The following ST7 variants were observed in gnomAD, a reference collection of about 807,000 sequenced individuals.
ST7 encodes suppression of tumorigenicity 7, also known as suppressor of tumorigenicity 7 protein.
ST7 carries 28 observed loss-of-function variants against 78.7 expected under a neutral mutation model. The ratio of observed to expected loss-of-function variants is 0.36; its 90% CI spans 0.26 to 0.49. The LOEUF is 0.49. Among genes scored for constraint, ST7 ranks in the 20% least tolerant of loss-of-function variants. The pLI, the probability that ST7 is intolerant of heterozygous loss-of-function variation, is 0.99. For missense variants in ST7, 418 were observed against 696.0 expected, an observed-to-expected ratio of 0.60 and a Z score of 4.49; for synonymous variants, 247 against 249.6, an observed-to-expected ratio of 0.99 and a Z score of 0.10.
chr7:116,956,776 A>G (rs568078845), intron 1 of ST7: 2 of 389,242 alleles, frequency 5.1e-6, no homozygotes, highest in African/African-American at 4.2e-5. Flanking sequence ...CTAATGTACT[A>G]TAACAGGTGC....
At position 116,964,131 on chromosome 7, in the gene ST7, C is replaced by A. The variant is rs145887135; in HGVS notation, c.151+10440C>A. Among the ~76,000 whole-genome samples, 1,246 of 152,316 alleles carry A rather than the reference C, an allele frequency of 8.2e-3. 24 individuals carry two copies. Among genetic ancestry groups the A allele is most frequent in the African/African-American group, 0.028 (1,147 of 41,576 alleles). ...GTCTTAAATAAGGAAGTAGTTTTTA[C>A]ACATAAGCTGCTCATATCTGGAGTT... On this transcript the variant is annotated intron_variant, in intron 1 of 15. Transcript: ENST00000323984.
chr7:117,099,985 G>A (rs1384543640), intron 2 of ST7, 141 bp downstream of exon 2: 3 of 521,392 alleles, frequency 5.8e-6, no homozygotes, highest in African/African-American at 2.0e-5. Context: ...GTTGGGGAGT[G>A]GACTCATAGA....
chr7:117,122,233 G>A (rs1803448349), intron 3 of ST7, among the ~76,000 whole-genome samples: 1 of 152,140 alleles, frequency 6.6e-6, no homozygotes, highest in Non-Finnish European at 1.5e-5. Flanking sequence ...TATGGGAAAG[G>A]GACTGGATTG....
intron 1 of ST7, among the ~76,000 whole-genome samples, chr7:116,980,378 T>A (rs910749434): frequency 1.3e-5 from 2 of 152,156 alleles, no homozygotes; most frequent in African/African-American, 4.8e-5. Context: ...TATCCCACAT[T>A]CGAAGTGTCC....
intron 1 of ST7, among the ~76,000 whole-genome samples, chr7:117,001,754 A>T (rs191809193): frequency 2.5e-3 from 374 of 152,050 alleles, no homozygotes; most frequent in Non-Finnish European, 4.4e-3. Flanking sequence ...GGGTATATTT[A>T]AAAAAAAGTG....
At chr7:117,047,558 C>T (rs1042656684) in intron 1 of ST7, among the ~76,000 whole-genome samples, 2 of 152,178 alleles carry the variant, frequency 1.3e-5, no homozygotes, top group Non-Finnish European at 2.9e-5. Context: ...TCCAATTTTA[C>T]ATTAATCTAG....
At chr7:117,009,661 A>G (rs1655529304) in intron 1 of ST7, among the ~76,000 whole-genome samples, 1 of 152,228 alleles carries the variant, frequency 6.6e-6, no homozygotes, top group South Asian at 2.1e-4. Context: ...ACTGCTAATT[A>G]TACATCAAGA....
chr7:116,961,021 T>C (rs999546764), intron 1 of ST7, among the ~76,000 whole-genome samples: 11 of 152,190 alleles, frequency 7.2e-5, no homozygotes, highest in African/African-American at 2.7e-4. Context: ...TTTCAATCTT[T>C]TGCATATGGC....
At chr7:116,985,698 T>A (rs1015022530) in intron 1 of ST7, among the ~76,000 whole-genome samples, 4 of 152,126 alleles carry the variant, frequency 2.6e-5, no homozygotes, top group African/African-American at 9.7e-5. Flanking sequence ...GAGGAAAAGG[T>A]GATCAGAATT....
chr7:117,109,630 G>A (rs1017486954), intron 2 of ST7, among the ~76,000 whole-genome samples: 1 of 152,094 alleles, frequency 6.6e-6, no homozygotes, highest in Non-Finnish European at 1.5e-5. Flanking sequence ...AGAAGAATTG[G>A]TACCAATCCT....
intron 12 of ST7, among the ~76,000 whole-genome samples, chr7:117,196,652 G>A (rs1336009888): frequency 3.6e-5 from 1 of 27,700 alleles, no homozygotes; most frequent in East Asian, 1.6e-3. Flanking sequence ...TTTTTTTTTT[G>A]CTATTGAGTT....
chr7:117,071,416 A>T (rs1798952202), intron 1 of ST7, among the ~76,000 whole-genome samples: 1 of 152,184 alleles, frequency 6.6e-6, no homozygotes, highest in Non-Finnish European at 1.5e-5. Flanking sequence ...TCCTTCTCCC[A>T]ATTAATTTAA....
intron 10 of ST7, among the ~76,000 whole-genome samples, chr7:117,186,886 CTT>C (rs1563151429): frequency 1.3e-5 from 2 of 152,172 alleles, no homozygotes; most frequent in African/African-American, 2.4e-5. Flanking sequence ...GATGAACAAT[CTT>C]TGTGCACATT....
At chr7:117,043,718 A>ATTAT (rs1797347387) in intron 1 of ST7, among the ~76,000 whole-genome samples, 1 of 152,198 alleles carries the variant, frequency 6.6e-6, no homozygotes, top group South Asian at 2.1e-4. Flanking sequence ...AATCCCTCAG[A>ATTAT]TTATTTCATA....
chr7:116,974,944 A>C (rs1485790124), intron 1 of ST7, among the ~76,000 whole-genome samples: 1 of 152,210 alleles, frequency 6.6e-6, no homozygotes, highest in Non-Finnish European at 1.5e-5. Context: ...TTTGCACCCT[A>C]AGCACCTTGC....
chr7:116,993,124 T>A (rs1308706883), intron 1 of ST7, among the ~76,000 whole-genome samples: 1 of 152,190 alleles, frequency 6.6e-6, no homozygotes, highest in Non-Finnish European at 1.5e-5. Context: ...CCAAACTGTT[T>A]CAGCCTCTGC....
At chr7:117,008,831 A>T (rs2115892684) in intron 1 of ST7, among the ~76,000 whole-genome samples, 1 of 152,314 alleles carries the variant, frequency 6.6e-6, no homozygotes, top group South Asian at 2.1e-4. Context: ...GGGTTTGGCA[A>T]ACTGTAGCCC....
At chr7:117,002,652 T>TGTGC (rs1375345357) in intron 1 of ST7, among the ~76,000 whole-genome samples, 4 of 149,412 alleles carry the variant, frequency 2.7e-5, no homozygotes, top group Admixed American at 6.6e-5. Context: ...TGTGTGTGTG[T>TGTGC]GTGTGTGTGT....
chr7:117,153,227 G>GT (rs1436148611), intron 9 of ST7, among the ~76,000 whole-genome samples: 1 of 152,198 alleles, frequency 6.6e-6, no homozygotes, highest in Non-Finnish European at 1.5e-5. Flanking sequence ...TGTAGTCTAA[G>GT]TAGCTGGTTT....
Sources: allele counts gnomAD v4.1 joint callset (sites outside exome capture counted in the v4.1 genomes callset), GRCh38; gene constraint gnomAD v4.1.1; transcripts MANE v1.5; gene names NCBI Gene and HGNC (gene_info 2026-07-23, HGNC 2026-07-21).